CHD6: variants seen among roughly 807,000 people sequenced by gnomAD.
CHD6 encodes chromodomain helicase DNA binding protein 6.
CHD6 carries 50 observed loss-of-function variants against 276.9 expected under a neutral mutation model. The ratio of observed to expected loss-of-function variants is 0.18; its 90% CI spans 0.14 to 0.23. The LOEUF (loss-of-function observed/expected upper bound fraction) is 0.23. CHD6 is among the 10% of genes least tolerant of loss of function. CHD6 has a pLI of 1.00. For synonymous variants in CHD6, 1,173 were observed against 1,229.3 expected (o/e 0.95, Z 0.96); for missense variants, 2,564 against 3,365.8 (o/e 0.76, Z 5.89).
In CHD6 at chr20:41,530,546, G is replaced by A. The variant is rs536710826; in HGVS notation, c.554+2504C>T. ...AACTAAGGCTTAATTACTAACATATGCATATATACATATGTGTGTGTATAT... is the reference window on the plus strand; with the variant it reads ...AACTAAGGCTTAATTACTAACATATACATATATACATATGTGTGTGTATAT... On this transcript the variant is annotated intron_variant, in intron 3 of 36. Coordinates refer to ENST00000373233, the MANE Select transcript of CHD6 (RefSeq NM_032221.5). 1.8e-4 allele frequency among the ~76,000 whole-genome samples: 27 copies of A among 152,154 alleles called. No homozygotes were observed. The South Asian group carries it at 5.0e-3, about 28-fold the overall frequency.
intron 2 of CHD6, among the ~76,000 whole-genome samples, chr20:41,540,019 A>C (rs2044911373): frequency 1.3e-5 from 2 of 152,250 alleles, no homozygotes. Context: ...GCAAGGGCAC[A>C]GACCAAATGT....
At chr20:41,408,737 C>T (rs1183394246) in intron 36 of CHD6, among the ~76,000 whole-genome samples, 3 of 152,166 alleles carry the variant, frequency 2.0e-5, no homozygotes, top group Non-Finnish European at 4.4e-5. Flanking sequence ...CTCATAACTC[C>T]AGAGAGAGGG....
intron 20 of CHD6, among the ~76,000 whole-genome samples, 154 bp from the exon 21 acceptor site, chr20:41,453,096 T>C (rs374256487): frequency 1.0e-3 from 154 of 152,250 alleles, no homozygotes; most frequent in African/African-American, 3.5e-3. Context: ...GCTGTCTCCA[T>C]GACCACAGGA....
chr20:41,479,499 A>G (rs2043246522), intron 16 of CHD6, among the ~76,000 whole-genome samples: 7 of 152,198 alleles, frequency 4.6e-5, no homozygotes, highest in Admixed American at 4.6e-4. Context: ...ACCAGGGCAC[A>G]GTGGACTAAC....
In CHD6 at chr20:41,421,087, T is replaced by C; in HGVS notation, c.5548A>G (p.Asn1850Asp). 1 of 1,614,184 alleles carries C rather than the reference T, an allele frequency of 6.2e-7. No homozygotes were observed. The highest frequency in any genetic ancestry group is 8.5e-7 in the Non-Finnish European group (1 of 1,180,046). Residue 1850 changes from asparagine to aspartate, a missense_variant, in exon 31 of 37, where the codon AAC becomes GAC. By Grantham distance (23) the Asn-to-Asp change is conservative. This residue lies in a region of CHD6 where 1,024 missense variants were observed against 1,047.9 expected (regional missense o/e 0.98). Coordinates refer to ENST00000373233, the MANE Select transcript of CHD6 (RefSeq NM_032221.5). Reference sequence around the variant, plus strand: ...ATCAATTTACTTTCTAAGCTTTTGTTTTCCAATAAATCAATTAATTGCTGA... The same window carrying C: ...ATCAATTTACTTTCTAAGCTTTTGTCTTCCAATAAATCAATTAATTGCTGA... The part of the protein sequence containing the change: ...SDQQLIDLLE[N>D]KSLESKLILS...
intron 1 of CHD6, among the ~76,000 whole-genome samples, chr20:41,553,555 A>G (rs2146153962): frequency 6.6e-6 from 1 of 152,338 alleles, no homozygotes; most frequent in Non-Finnish European, 1.5e-5. Flanking sequence ...CTATTAGCAA[A>G]TCGGGTATTA....
At chr20:41,415,073 G>A in intron 34 of CHD6, 113 bp downstream of exon 34, 1 of 1,485,686 alleles carries the variant, frequency 6.7e-7, no homozygotes, top group Non-Finnish European at 9.0e-7. Flanking sequence ...AATAAAGCAG[G>A]ACAACCGAAA....
At chr20:41,532,883 T>C (rs2044723219) in intron 3 of CHD6, among the ~76,000 whole-genome samples, 167 bp downstream of exon 3, 1 of 152,234 alleles carries the variant, frequency 6.6e-6, no homozygotes, top group South Asian at 2.1e-4. Context: ...GCCCCTTGCA[T>C]TAGCACCAAG....
In CHD6 at chr20:41,453,087, C is replaced by A. The variant is rs564494199; in HGVS notation, c.3121-145G>T. 6 of 649,972 alleles carry A rather than the reference C, an allele frequency of 9.2e-6. No homozygotes were observed. In the East Asian group the frequency reaches 1.6e-4, roughly 18 times the overall value. The allele number at this position is 649,972 out of a possible 1,614,324, so 40.3% of individuals were successfully genotyped here. A position where few individuals can be genotyped will look rare whatever the true frequency, so the allele number is the denominator to read the frequency against. ...CGAAGGGCTATTCCCAGCACACCTGCTGTCTCCATGACCACAGGACAAGCA... is the reference window on the plus strand; with the variant it reads ...CGAAGGGCTATTCCCAGCACACCTGATGTCTCCATGACCACAGGACAAGCA... On this transcript the variant is annotated intron_variant, in intron 20 of 36. Coordinates refer to ENST00000373233, the MANE Select transcript of CHD6 (RefSeq NM_032221.5).
intron 2 of CHD6, 58 bp from the exon 3 acceptor site, chr20:41,533,628 G>GAGTT (rs2044747383): frequency 3.5e-6 from 5 of 1,440,576 alleles, no homozygotes; most frequent in Non-Finnish European, 4.7e-6. Flanking sequence ...CAGACAAAGA[G>GAGTT]AGTTACCCAG....
Position 41,591,377 on chromosome 20 carries a change from T to TAC in CHD6, c.-24+26962_-24+26963insGT, listed in dbSNP as rs879822257. The stretch of plus-strand genomic sequence containing the variant: ...AAGTATAATTTTACATATATATATA[T>TAC]ATACACACACACACACACACACACA... On this transcript the variant is annotated intron_variant, in intron 1 of 36. Transcript: ENST00000373233. 7.1e-4 allele frequency among the ~76,000 whole-genome samples: 87 copies of TAC among 122,948 alleles called. 1 individual carries two copies. The highest frequency in any genetic ancestry group is 4.0e-3 in the Middle Eastern group (1 of 252). The allele number at this position is 122,948 out of a possible 152,430, so 80.7% of individuals were successfully genotyped here. A position where few individuals can be genotyped will look rare whatever the true frequency, so the allele number is the denominator to read the frequency against.
chr20:41,545,034 AG>A (rs1221627183), intron 2 of CHD6, among the ~76,000 whole-genome samples: 4 of 152,198 alleles, frequency 2.6e-5, no homozygotes, highest in Non-Finnish European at 1.5e-5. Context: ...TTCTGGAGAC[AG>A]GGAGCTTACT....
At chr20:41,497,260 A>G (rs1432299905) in intron 8 of CHD6, 124 bp downstream of exon 8, 5 of 712,256 alleles carry the variant, frequency 7.0e-6, no homozygotes, top group Non-Finnish European at 1.3e-5. Flanking sequence ...ATCAGCACAC[A>G]TTTATCAATT....
chr20:41,512,452 C>T (rs2044142606), intron 5 of CHD6, among the ~76,000 whole-genome samples: 1 of 151,676 alleles, frequency 6.6e-6, no homozygotes, highest in Non-Finnish European at 1.5e-5. Flanking sequence ...AAGGAGATAA[C>T]ATTTTAGGCA....
chr20:41,604,125 T>C (rs541243423), intron 1 of CHD6, among the ~76,000 whole-genome samples: 1 of 152,138 alleles, frequency 6.6e-6, no homozygotes, highest in Non-Finnish European at 1.5e-5. Flanking sequence ...CTCCATCCCA[T>C]GCTTAACAAT....
chr20:41,523,173 C>A (rs2044445006), intron 3 of CHD6, among the ~76,000 whole-genome samples: 1 of 152,032 alleles, frequency 6.6e-6, no homozygotes, highest in African/African-American at 2.4e-5. Flanking sequence ...AGCCAGTGAA[C>A]CTCATCATCA....
At chr20:41,502,135 T>C (rs1248200881) in intron 5 of CHD6, among the ~76,000 whole-genome samples, 7 of 152,218 alleles carry the variant, frequency 4.6e-5, no homozygotes, top group Non-Finnish European at 2.9e-5. Context: ...ATCCATTTTA[T>C]CAATCTTTTC....
Position 41,425,283 on chromosome 20 carries a change from C to G in CHD6, c.4241G>C (p.Cys1414Ser). The G allele has an allele frequency of 6.2e-7, 1 of 1,614,198 alleles. No homozygotes were observed. The highest frequency in any genetic ancestry group is 1.1e-5 in the South Asian group (1 of 91,082). Residue 1414 changes from cysteine to serine, a missense_variant, in exon 29 of 37, where the codon TGC becomes TCC. This residue lies in a region of CHD6 where 515 missense variants were observed against 739.5 expected (regional missense o/e 0.70). Transcript: ENST00000373233. ...ACCTGGTCCCAGAATTTCAGGCCGG[C>G]ACAGTTCCTTGCGGTTGCAGCGCTG... ...VYQRCNRKEL[C>S]RPEILGPGNQ...
Position 41,472,307 on chromosome 20 carries a change from G to A in CHD6, c.2664+1015C>T, listed in dbSNP as rs371524645. On this transcript the variant is annotated intron_variant, in intron 17 of 36. Transcript: ENST00000373233. ...TCTGTAGGAGTGGGTGGGTAGAGAA[G>A]AAGCCCAGACACCCATTGGCTTAGT... Among the ~76,000 whole-genome samples, 6 of 151,906 alleles carry A rather than the reference G, an allele frequency of 3.9e-5. No individual in the cohort carries two copies. The South Asian group carries it at 6.2e-4, about 16-fold the overall frequency.
Sources: allele counts gnomAD v4.1 joint callset (sites outside exome capture counted in the v4.1 genomes callset), GRCh38; gene constraint gnomAD v4.1.1; regional missense constraint gnomAD v4.1.1; transcripts MANE v1.5; gene names NCBI Gene and HGNC (gene_info 2026-07-23, HGNC 2026-07-21).